RADIL: variants seen among roughly 807,000 people sequenced by gnomAD.
The protein encoded by RADIL is ras-associating and dilute domain-containing protein.
In RADIL, 99 loss-of-function variants were observed where a neutral mutation model predicts 97.6. The ratio of observed to expected loss-of-function variants is 1.01; its 90% CI spans 0.86 to 1.20. The LOEUF (loss-of-function observed/expected upper bound fraction) is 1.20. Among genes scored for constraint, RADIL ranks in the 50% most tolerant of loss-of-function variants. The pLI, the probability that RADIL is intolerant of heterozygous loss-of-function variation, is 0.00. For missense variants in RADIL, 1,765 were observed against 1,498.9 expected, an observed-to-expected ratio of 1.18 and a Z score of -2.93; for synonymous variants, 803 against 691.8, an observed-to-expected ratio of 1.16 and a Z score of -2.52.
chr7:4,807,186 G>C lies in RADIL; in HGVS notation c.2140-1470C>G, dbSNP rs184123415. Among the ~76,000 whole-genome samples, 33 of 152,120 alleles carry C rather than the reference G, an allele frequency of 2.2e-4. No homozygotes were observed. The East Asian group carries it at 6.4e-3, about 29-fold the overall frequency. On this transcript the variant is annotated intron_variant, in intron 9 of 14. Coordinates refer to ENST00000399583, the MANE Select transcript of RADIL (RefSeq NM_018059.5). Reference sequence around the variant, plus strand: ...CATGTGTTTTTCTGCCCATATCCAGGGGCCTGGGCTGTGGCTACCAGATGT... The same window carrying C: ...CATGTGTTTTTCTGCCCATATCCAGCGGCCTGGGCTGTGGCTACCAGATGT...
rs139235914 is a variant in RADIL at position 4,798,073 on chromosome 7, CAT to C, written c.*1303_*1304del. 6.8e-6 allele frequency: 1 copy of C among 147,290 alleles called. No individual in the cohort carries two copies. The highest frequency in any genetic ancestry group is 1.5e-5 in the Non-Finnish European group (1 of 67,050). The allele number at this position is 147,290 out of a possible 1,614,324, so 9.1% of individuals were successfully genotyped here. A position where few individuals can be genotyped will look rare whatever the true frequency, so the allele number is the denominator to read the frequency against. Reference sequence around the variant, plus strand: ...CGTATACATGAATATGTAATATATTCATATATAATTATATATTTATATATATT... The same window carrying C: ...CGTATACATGAATATGTAATATATTCATATAATTATATATTTATATATATT... On this transcript the variant is annotated 3_prime_UTR_variant, in exon 15 of 15. Transcript: ENST00000399583.
In RADIL at chr7:4,836,533, G is replaced by T; in HGVS notation, c.608C>A (p.Ala203Asp). ...CAACCGGGGTGGAGGAGAGCTCCGGGCATCCCCCAGGGCCGGGGTCGGGGT... is the reference window on the plus strand; with the variant it reads ...CAACCGGGGTGGAGGAGAGCTCCGGTCATCCCCCAGGGCCGGGGTCGGGGT... Reference protein sequence around the residue: ...KGTPTPALGDARSSPPPRLRR... With the variant: ...KGTPTPALGDDRSSPPPRLRR... Residue 203 changes from alanine to aspartate, a missense_variant, in exon 3 of 15, where the codon GCC becomes GAC. Physicochemically the swap from Ala to Asp is moderately radical, Grantham distance 126. Transcript: ENST00000399583. The T allele has an allele frequency of 2.5e-6, 4 of 1,607,406 alleles. No individual in the cohort carries two copies.
chr7:4,874,719 C>T (rs1164514968), intron 2 of RADIL, among the ~76,000 whole-genome samples: 1 of 152,226 alleles, frequency 6.6e-6, no homozygotes, highest in Admixed American at 6.5e-5. Context: ...AGCAGGGGTG[C>T]TTTCGCTCGC....
rs1251759583 is a variant in RADIL, at chr7:4,799,502, G to A, written c.3123-19C>T. 1.2e-6 allele frequency: 2 copies of A among 1,613,734 alleles called. No homozygotes were observed. Among genetic ancestry groups the A allele is most frequent in the African/African-American group, 1.3e-5 (1 of 75,064 alleles). On this transcript the variant is annotated intron_variant, in intron 14 of 14. Transcript: ENST00000399583. ...CACAGCTCTGAAATCCATGCCAGAG[G>A]TGGGGGTGGGCAGGAGGGCACCAGG...
Position 4,824,298 on chromosome 7 carries a change from C to T in RADIL, c.1455-1744G>A, listed in dbSNP as rs1782914769. Among the ~76,000 whole-genome samples, 1 of 152,236 alleles carries T rather than the reference C, an allele frequency of 6.6e-6. No homozygotes were observed. The highest frequency in any genetic ancestry group is 1.5e-5 in the Non-Finnish European group (1 of 68,036). On this transcript the variant is annotated intron_variant, in intron 5 of 14. Coordinates refer to ENST00000399583, the MANE Select transcript of RADIL (RefSeq NM_018059.5). The surrounding 1 kb of genome is among the most constrained non-coding windows in gnomAD (Gnocchi z 6.7). ...GCCTGACCCCAGTCCCGGGGCAGAG[C>T]CAGGCTCAAGGCTGGACGGCCGTCA... is the stretch of plus-strand genomic sequence containing the variant.
chr7:4,866,435 A>G (rs1296174434), intron 2 of RADIL, among the ~76,000 whole-genome samples: 1 of 145,076 alleles, frequency 6.9e-6, no homozygotes, highest in Non-Finnish European at 1.5e-5. Flanking sequence ...GCCAAATTTT[A>G]CTTATGAATA....
intron 2 of RADIL, among the ~76,000 whole-genome samples, chr7:4,868,317 C>T (rs1160366057): frequency 6.6e-6 from 1 of 152,250 alleles, no homozygotes; most frequent in Non-Finnish European, 1.5e-5. Context: ...CCGCCTCGGC[C>T]TCCCAAAGTG....
At position 4,803,591 on chromosome 7, in the gene RADIL, G is replaced by C. The variant is rs1248920085; in HGVS notation, c.2454C>G (p.Ser818Arg). ...WGLRSRASPG[S>R]PGRPGSGASQ... ...AGGCCCCACTGCCAGGCCTGCCAGG[G>C]CTGCCGGGGCTGGCTCTGCTCCGCA... Residue 818 changes from serine (S) to arginine (R), a missense_variant, in exon 11 of 15, where the codon AGC (serine) becomes AGG (arginine). By Grantham distance (110) the Ser-to-Arg change is moderately radical (BLOSUM62 -1). Coordinates refer to ENST00000399583, the MANE Select transcript of RADIL (RefSeq NM_018059.5). The C allele has an allele frequency of 6.5e-7, 1 of 1,546,404 alleles. No individual in the cohort carries two copies. The highest frequency in any genetic ancestry group is 1.2e-5 in the South Asian group (1 of 83,980).
chr7:4,827,147 T>A (rs1318313511), intron 5 of RADIL, among the ~76,000 whole-genome samples: 1 of 147,876 alleles, frequency 6.8e-6, no homozygotes, highest in African/African-American at 2.5e-5. Context: ...GGCAGATTGC[T>A]TGAGGTCAGG....
chr7:4,822,512 C>A lies in RADIL; in HGVS notation c.1497G>T (p.Leu499=). Residue 499 remains leucine (L), a synonymous_variant, in exon 6 of 15, where the codon CTG becomes CTT. Transcript: ENST00000399583. This position sits in a 1 kb window ranked among gnomAD's most constrained non-coding sequence, Gnocchi z 5.3. ...AAAGAATGGGCTGCAAGTCTGGAAC[C>A]AGATCAGCCATGGCGCAGCTGGCCA... ...ISLASCAMAD[L]VPDLQPILFW... is the part of the protein sequence containing the mutation. 1 of 1,613,080 alleles carries A rather than the reference C, an allele frequency of 6.2e-7. No individual in the cohort carries two copies. Among genetic ancestry groups the A allele is most frequent in the Non-Finnish European group, 8.5e-7 (1 of 1,180,008 alleles).
At chr7:4,839,947 C>T (rs1311264016) in intron 2 of RADIL, among the ~76,000 whole-genome samples, 1 of 152,170 alleles carries the variant, frequency 6.6e-6, no homozygotes, top group Non-Finnish European at 1.5e-5. Context: ...CAGGGTTTCA[C>T]CGTCTTGGAC....
chr7:4,805,353 C>T, intron 10 of RADIL: 2 of 505,096 alleles, frequency 4.0e-6, no homozygotes, highest in Non-Finnish European at 6.6e-6. Context: ...ACTCTCGGCT[C>T]CTTGACTCCC....
chr7:4,850,207 C>T (rs944925895), intron 2 of RADIL, among the ~76,000 whole-genome samples: 34 of 100,004 alleles, frequency 3.4e-4, no homozygotes, highest in Non-Finnish European at 5.2e-4. Context: ...ACTACACAGA[C>T]GATCCCTTTA....
Position 4,813,258 on chromosome 7 carries a change from C to T in RADIL, c.2139+2020G>A, listed in dbSNP as rs565302083. Among the ~76,000 whole-genome samples the T allele has an allele frequency of 2.9e-4, 44 of 152,132 alleles. No homozygotes were observed. Among genetic ancestry groups the T allele is most frequent in the African/African-American group, 9.7e-4 (40 of 41,412 alleles). ...CCTCCCAAGTAGCTGGCACTACAGG[C>T]GTTTGCCCCATGCCTGCCTCTCACC... is the stretch of plus-strand genomic sequence containing the variant. On this transcript the variant is annotated intron_variant, in intron 9 of 14. Coordinates refer to ENST00000399583, the MANE Select transcript of RADIL (RefSeq NM_018059.5). This position sits in a 1 kb window ranked among gnomAD's most constrained non-coding sequence, Gnocchi z 5.0.
At chr7:4,826,387 AT>A (rs969837400) in intron 5 of RADIL, among the ~76,000 whole-genome samples, 3 of 152,080 alleles carry the variant, frequency 2.0e-5, no homozygotes, top group African/African-American at 7.2e-5. Flanking sequence ...AGATATTAAT[AT>A]TTTCAGAATT....
intron 2 of RADIL, among the ~76,000 whole-genome samples, chr7:4,841,205 A>G (rs1259976668): frequency 1.3e-5 from 2 of 152,224 alleles, no homozygotes; most frequent in African/African-American, 4.8e-5. Context: ...AGACAGGCCG[A>G]GGTCAGCTGT....
At chr7:4,833,896 G>A (rs1397360307) in intron 4 of RADIL, among the ~76,000 whole-genome samples, 1 of 152,188 alleles carries the variant, frequency 6.6e-6, no homozygotes, top group Admixed American at 6.5e-5. Context: ...CATTGGCAAT[G>A]CCTGCAGCCA....
chr7:4,836,922 G>C (rs182395577), intron 2 of RADIL, among the ~76,000 whole-genome samples: 1 of 152,080 alleles, frequency 6.6e-6, no homozygotes, highest in Non-Finnish European at 1.5e-5. Flanking sequence ...TGGGTGACAA[G>C]AGCGAAACTC....
rs567850186 is a variant in RADIL at position 4,805,818 on chromosome 7, G to A, written c.2140-102C>T. 2.2e-5 allele frequency: 33 copies of A among 1,475,472 alleles called. No individual in the cohort carries two copies. The South Asian group carries it at 3.8e-4, about 17-fold the overall frequency. The allele number at this position is 1,475,472 out of a possible 1,614,324, so 91.4% of individuals were successfully genotyped here. A position where few individuals can be genotyped will look rare whatever the true frequency, so the allele number is the denominator to read the frequency against. ...GTGGCCTGGGGGTAGCCAGCTGAGG[G>A]GCCCTGTGGTCCTCACTCCCACCAG... On this transcript the variant is annotated intron_variant, in intron 9 of 14. Coordinates refer to ENST00000399583, the MANE Select transcript of RADIL (RefSeq NM_018059.5).
Sources: allele counts gnomAD v4.1 joint callset (sites outside exome capture counted in the v4.1 genomes callset), GRCh38; gene constraint gnomAD v4.1.1; non-coding constraint Gnocchi (gnomAD v3.1); transcripts MANE v1.5; gene names NCBI Gene and HGNC (gene_info 2026-07-23, HGNC 2026-07-21).